LIMD1: variants seen among roughly 807,000 people sequenced by gnomAD.
The protein encoded by LIMD1 is LIM domain containing 1, also known as LIM domain-containing protein 1.
In LIMD1, 23 loss-of-function variants were observed where a neutral mutation model predicts 58.4. The observed-to-expected ratio is 0.39, with a 90% CI of 0.28 to 0.56. The LOEUF is 0.56. Among genes scored for constraint, LIMD1 ranks in the 20% least tolerant of loss-of-function variants. The pLI is 0.57. For missense variants in LIMD1, 838 were observed against 855.5 expected (o/e 0.98, Z 0.25); for synonymous variants, 334 against 345.5 (o/e 0.97, Z 0.37).
At position 45,677,687 on chromosome 3, in the gene LIMD1, G is replaced by A. The variant is rs889178805; in HGVS notation, c.*628G>A. 2.0e-5 allele frequency: 3 copies of A among 152,260 alleles called. No individual in the cohort carries two copies. The highest frequency in any genetic ancestry group is 1.3e-4 in the Admixed American group (2 of 15,278). The allele number at this position is 152,260 out of a possible 1,614,324, so 9.4% of individuals were successfully genotyped here. On this transcript the variant is annotated 3_prime_UTR_variant, in exon 8 of 8. Coordinates refer to ENST00000273317, the MANE Select transcript of LIMD1 (RefSeq NM_014240.3). ...CAAGATTTGAAATAGGTGAGGCAGG[G>A]TTTCCTCCTTAGACACTGACAGCAT...
At position 45,595,659 on chromosome 3, in the gene LIMD1, A is replaced by G. The variant is rs150975402; in HGVS notation, c.780A>G (p.Thr260=). Residue 260 remains threonine (T), a synonymous_variant, in exon 1 of 8, where the codon ACA becomes ACG. Coordinates refer to ENST00000273317, the MANE Select transcript of LIMD1 (RefSeq NM_014240.3). ...GIGGRSSEKP[T]GLWSTASSQR... ...GTGGCCGCAGCAGCGAGAAGCCAAC[A>G]GGCCTTTGGTCCACTGCCTCCTCCC... 795 of 1,614,182 alleles carry G rather than the reference A, an allele frequency of 4.9e-4. 7 individuals carry two copies. The East Asian group carries it at 0.014, about 28-fold the overall frequency.
intron 1 of LIMD1, among the ~76,000 whole-genome samples, chr3:45,608,668 T>C (rs1259790742): frequency 6.6e-6 from 1 of 151,898 alleles, no homozygotes; most frequent in Non-Finnish European, 1.5e-5. Context: ...AGTAAAACCC[T>C]GTCTGTACTA....
rs1697750058 is a variant in LIMD1 at position 45,681,873 on chromosome 3, C to G, written c.*4814C>G. On this transcript the variant is annotated 3_prime_UTR_variant, in exon 8 of 8. Transcript: ENST00000273317. ...GACTTGTAAGGTCCTGATGCAGTGA[C>G]TTGTAAGGTCACTTTGTCTCTCTTG... The G allele has an allele frequency of 6.6e-6, 1 of 152,228 alleles. No individual in the cohort carries two copies. The highest frequency in any genetic ancestry group is 1.9e-4 in the East Asian group (1 of 5,194). 9.4% of individuals were successfully genotyped at this position (152,228 alleles called of 1,614,324 possible). A position where few individuals can be genotyped will look rare whatever the true frequency, so the allele number is the denominator to read the frequency against.
intron 2 of LIMD1, among the ~76,000 whole-genome samples, chr3:45,652,556 A>AT (rs1485172884): frequency 2.0e-5 from 3 of 152,146 alleles, no homozygotes; most frequent in African/African-American, 7.2e-5. Context: ...TTGTTCTGGG[A>AT]TGCTGTTAAA....
At chr3:45,601,697 A>G (rs1701414374) in intron 1 of LIMD1, among the ~76,000 whole-genome samples, 1 of 152,158 alleles carries the variant, frequency 6.6e-6, no homozygotes, top group Non-Finnish European at 1.5e-5. Context: ...ACAGTTGAGA[A>G]ACCGAGGCCA....
rs762002629 is a variant in LIMD1 at position 45,595,094 on chromosome 3, G to A, written c.215G>A (p.Arg72Lys). ...CTCCTGCAGGAGGAGACTCTGCCCA[G>A]GGGGAGTAGAGGCCCTGTCAATGGA... is the stretch of plus-strand genomic sequence containing the variant. ...QQLLQEETLP[R>K]GSRGPVNGGG... Residue 72 changes from arginine (R) to lysine (K), a missense_variant, in exon 1 of 8, where the codon AGG becomes AAG. Arg to Lys is a conservative substitution (Grantham distance 26). Transcript: ENST00000273317. 6.2e-7 allele frequency: 1 copy of A among 1,612,852 alleles called. No individual in the cohort carries two copies. The highest frequency in any genetic ancestry group is 1.1e-5 in the South Asian group (1 of 90,968).
chr3:45,647,980 C>T (rs1213436406), intron 2 of LIMD1, among the ~76,000 whole-genome samples: 1 of 152,098 alleles, frequency 6.6e-6, no homozygotes, highest in Non-Finnish European at 1.5e-5. Flanking sequence ...ATCTCCATTG[C>T]TACTCTCCTG....
intron 1 of LIMD1, among the ~76,000 whole-genome samples, chr3:45,622,552 C>T (rs576234940): frequency 6.6e-6 from 1 of 152,204 alleles, no homozygotes; most frequent in African/African-American, 2.4e-5. Flanking sequence ...TGTGGTCTTT[C>T]TCTTTCAAAA....
chr3:45,619,024 A>T (rs1468513801), intron 1 of LIMD1, among the ~76,000 whole-genome samples: 1 of 152,196 alleles, frequency 6.6e-6, no homozygotes, highest in African/African-American at 2.4e-5. Context: ...TTATGTATGC[A>T]TCACTAAAAA....
rs553757543 is a variant in LIMD1, at chr3:45,663,868, A to ATTTTTTTTTTTTTTTTTTTTTT, written c.1511-1762_1511-1761insTTTTTTTTTTTTTTTTTTTTTT. Among the ~76,000 whole-genome samples the ATTTTTTTTTTTTTTTTTTTTTT allele has an allele frequency of 1.3e-3, 138 of 102,840 alleles. 11 individuals carry two copies. Among genetic ancestry groups the ATTTTTTTTTTTTTTTTTTTTTT allele is most frequent in the African/African-American group, 3.9e-3 (92 of 23,338 alleles). The allele number at this position is 102,840 out of a possible 152,430, so 67.5% of individuals were successfully genotyped here. ...TAGTGCGTGGCACCATGCCTGGCTA[A>ATTTTTTTTTTTTTTTTTTTTTT]TTTTTTTTTTTTTTTTTTTTGAGAC... On this transcript the variant is annotated intron_variant, in intron 2 of 7. Coordinates refer to ENST00000273317, the MANE Select transcript of LIMD1 (RefSeq NM_014240.3).
intron 2 of LIMD1, 24 bp from the exon 3 acceptor site, chr3:45,665,626 C>G: frequency 6.2e-7 from 1 of 1,604,282 alleles, no homozygotes; most frequent in Non-Finnish European, 8.5e-7. Context: ...TTTTTTTACC[C>G]TGTGTTTGTG....
rs1697786808 is a variant in LIMD1, at chr3:45,684,588, G to C, written c.*7529G>C. On this transcript the variant is annotated 3_prime_UTR_variant, in exon 8 of 8. Transcript: ENST00000273317. Reference sequence around the variant, plus strand: ...CGAATGGATCTCCCCATTCCTGGCGGGAAGCAGACTGATATATAGAGGAGG... The same window carrying C: ...CGAATGGATCTCCCCATTCCTGGCGCGAAGCAGACTGATATATAGAGGAGG... The C allele has an allele frequency of 6.6e-6, 1 of 152,176 alleles. No individual in the cohort carries two copies. The allele number at this position is 152,176 out of a possible 1,614,324, so 9.4% of individuals were successfully genotyped here. A position where few individuals can be genotyped will look rare whatever the true frequency, so the allele number is the denominator to read the frequency against.
chr3:45,672,229 A>G (rs188178096), intron 4 of LIMD1, among the ~76,000 whole-genome samples: 2 of 152,174 alleles, frequency 1.3e-5, no homozygotes, highest in South Asian at 2.1e-4. Flanking sequence ...CCATTTCCAC[A>G]TGGAATTTCT....
chr3:45,671,883 G>T (rs188956285), intron 4 of LIMD1, among the ~76,000 whole-genome samples: 2 of 152,312 alleles, frequency 1.3e-5, no homozygotes, highest in African/African-American at 4.8e-5. Flanking sequence ...GTTCCATGAT[G>T]AGTTAATTCA....
intron 1 of LIMD1, among the ~76,000 whole-genome samples, chr3:45,610,668 C>A (rs1239187728): frequency 6.6e-6 from 1 of 152,084 alleles, no homozygotes; most frequent in Non-Finnish European, 1.5e-5. Flanking sequence ...AGACCTTGGG[C>A]GGGTTGTTCA....
chr3:45,676,587 A>G (rs574363033), intron 7 of LIMD1, among the ~76,000 whole-genome samples: 24 of 152,308 alleles, frequency 1.6e-4, no homozygotes, highest in Admixed American at 7.8e-4. Context: ...GTTTGCTGAG[A>G]ATGATGGCTT....
chr3:45,602,091 C>T (rs892382572), intron 1 of LIMD1, among the ~76,000 whole-genome samples: 5 of 152,092 alleles, frequency 3.3e-5, no homozygotes, highest in African/African-American at 7.2e-5. Context: ...TGCAGGCGCC[C>T]GCCACCACGC....
chr3:45,615,980 C>T (rs546506493), intron 1 of LIMD1, among the ~76,000 whole-genome samples: 12 of 152,158 alleles, frequency 7.9e-5, no homozygotes, highest in South Asian at 6.2e-4. Flanking sequence ...TATTTTGGGG[C>T]GGCATCTTCA....
chr3:45,625,900 C>A (rs543316999), intron 1 of LIMD1, among the ~76,000 whole-genome samples: 12 of 152,128 alleles, frequency 7.9e-5, no homozygotes, highest in African/African-American at 2.9e-4. Context: ...TAAGATATGG[C>A]GATACTAAAA....
Sources: allele counts gnomAD v4.1 joint callset (sites outside exome capture counted in the v4.1 genomes callset), GRCh38; gene constraint gnomAD v4.1.1; transcripts MANE v1.5; gene names NCBI Gene and HGNC (gene_info 2026-07-23, HGNC 2026-07-21).